Variants in SHOX observed in about 807,000 individuals in gnomAD.
SHOX encodes the protein SHOX homeobox, also known as short stature homeobox protein.
SHOX carries 12 observed loss-of-function variants against 29.6 expected under a neutral mutation model. The observed-to-expected ratio is 0.41, with a 90% CI of 0.26 to 0.66. The LOEUF is 0.66. Among genes scored for constraint, SHOX ranks in the 30% least tolerant of loss-of-function variants. The pLI, the probability that SHOX is intolerant of heterozygous loss-of-function variation, is 0.35. For synonymous variants in SHOX, 214 were observed against 200.6 expected, an observed-to-expected ratio of 1.07 and a Z score of -0.57; for missense variants, 499 against 437.7, an observed-to-expected ratio of 1.14 and a Z score of -1.25.
chrX:642,937 G>A (rs1310896063), intron 4 of SHOX, among the ~76,000 whole-genome samples: 7 of 151,130 alleles, frequency 4.6e-5, no homozygotes, highest in East Asian at 2.0e-4. Context: ...GGTGACCTTG[G>A]AGAGGCTTGG....
intron 2 of SHOX, among the ~76,000 whole-genome samples, chrX:637,722 G>C (rs1339222194): frequency 6.6e-6 from 1 of 152,152 alleles, no homozygotes; most frequent in Non-Finnish European, 1.5e-5. Context: ...ACGGGGACGA[G>C]CAGGGACAGA....
At chrX:631,252 C>T in intron 1 of SHOX, 78 bp downstream of exon 1, 1 of 1,550,948 alleles carries the variant, frequency 6.4e-7, no homozygotes, top group Non-Finnish European at 8.9e-7. Context: ...CGGCCCCGCG[C>T]GCCCCTCGCT....
At chrX:630,526 G>A (rs2239401), upstream of SHOX, 75,222 of 395,508 alleles carry the variant, frequency 0.19, 7,691 homozygotes, top group African/African-American at 0.26. Flanking sequence ...TGTGTGGGGG[G>A]CTCGGGCGCC....
chrX:654,606 A>C (rs1306261928), downstream of SHOX, among the ~76,000 whole-genome samples: 1 of 152,200 alleles, frequency 6.6e-6, no homozygotes, highest in Non-Finnish European at 1.5e-5. Context: ...AACAATTAAA[A>C]AAAGTCAAAT....
intron 1 of SHOX, among the ~76,000 whole-genome samples, chrX:625,715 G>GTC (rs753102414): frequency 0.012 from 1,513 of 122,002 alleles, 144 homozygotes; most frequent in African/African-American, 0.018. Flanking sequence ...TTCTATCTCT[G>GTC]TCTCTCTCTC....
chrX:642,215 G>T (rs2052866720), intron 4 of SHOX, among the ~76,000 whole-genome samples: 1 of 152,060 alleles, frequency 6.6e-6, no homozygotes, highest in Admixed American at 6.6e-5. Context: ...GCCTGAACGC[G>T]CAGCGCAGCG....
At position 656,856 on chromosome X, in the gene SHOX, AAAAAC is replaced by A. The variant is rs1354032821; in HGVS notation, c.634-1928_634-1924del. ...AGACTCCGTCTCAAAAAAAAAAAAA[AAAAAC>A]TGCTGCCCAAGCTGTGTTTGCACCA... On this transcript the variant is annotated intron_variant, in intron 5 of 5. Transcript: ENST00000334060. Among the ~76,000 whole-genome samples the A allele has an allele frequency of 7.2e-5, 9 of 125,362 alleles. 2 individuals are homozygous for A. Among genetic ancestry groups the A allele is most frequent in the African/African-American group, 1.4e-4 (5 of 35,530 alleles). 82.2% of individuals were successfully genotyped at this position (125,362 alleles called of 152,430 possible).
chrX:634,220 G>C (rs1371384704), intron 1 of SHOX, among the ~76,000 whole-genome samples: 2 of 152,166 alleles, frequency 1.3e-5, no homozygotes, highest in Non-Finnish European at 2.9e-5. Flanking sequence ...AACCCGCCCC[G>C]GGTCCTCCCC....
chrX:648,951 C>CTTTG lies in SHOX; in HGVS notation c.*4318_*4319insGTTT. On this transcript the variant is annotated 3_prime_UTR_variant, in exon 5 of 5. Coordinates refer to ENST00000686671, the MANE Select transcript of SHOX (RefSeq NM_000451.4). ...CTTTCTCTCTTTCTTTCTTTTCTTTCTTTCTGTTTCTTTCCTTTTTATCTT... is the reference window on the plus strand; with the variant it reads ...CTTTCTCTCTTTCTTTCTTTTCTTTCTTTGTTTCTGTTTCTTTCCTTTTTATCTT... 6.8e-6 allele frequency among the ~76,000 whole-genome samples: 1 copy of CTTTG among 146,804 alleles called. No homozygotes were observed. The highest frequency in any genetic ancestry group is 6.8e-5 in the Admixed American group (1 of 14,720).
exon 1 of SHOX, chrX:624,407 T>G (rs2052462619): frequency 6.6e-6 from 1 of 151,306 alleles, no homozygotes; most frequent in African/African-American, 2.4e-5. Flanking sequence ...TTTGGTTTTG[T>G]TTTATTTCGT....
intron 4 of SHOX, among the ~76,000 whole-genome samples, chrX:644,060 C>G (rs184166785): frequency 6.6e-6 from 1 of 151,986 alleles, no homozygotes; most frequent in Non-Finnish European, 1.5e-5. Flanking sequence ...GGGGAGAGAA[C>G]GTTGTGAGCC....
chrX:631,282 G>A, intron 1 of SHOX, 108 bp downstream of exon 1: 1 of 1,393,356 alleles, frequency 7.2e-7, no homozygotes, highest in Non-Finnish European at 1.0e-6. Flanking sequence ...TGCAGCTCCC[G>A]TCTCGCCAGG....
In SHOX at chrX:645,774, C is replaced by G. The variant is rs967205821; in HGVS notation, c.*1138C>G. 7.9e-5 allele frequency: 12 copies of G among 152,214 alleles called. No individual in the cohort carries two copies. The highest frequency in any genetic ancestry group is 2.7e-4 in the African/African-American group (11 of 41,446). 9.4% of individuals were successfully genotyped at this position (152,214 alleles called of 1,614,324 possible). A position where few individuals can be genotyped will look rare whatever the true frequency, so the allele number is the denominator to read the frequency against. On this transcript the variant is annotated 3_prime_UTR_variant, in exon 5 of 5. Transcript: ENST00000686671. Reference sequence around the variant, plus strand: ...TATCAGTTTGGTACCTGAGCTGTTTCTGGTTGGGAAGCGTAAAAGCCAGGG... The same window carrying G: ...TATCAGTTTGGTACCTGAGCTGTTTGTGGTTGGGAAGCGTAAAAGCCAGGG...
downstream of SHOX, among the ~76,000 whole-genome samples, chrX:655,600 CTCTCTCTCTCTCTCTA>C (rs1269340737): frequency 5.7e-4 from 31 of 54,202 alleles, no homozygotes; most frequent in Admixed American, 2.0e-3. Flanking sequence ...CTCTCTCTCT[CTCTCTCTCTCTCTCTA>C]TATATATATA....
intron 2 of SHOX, among the ~76,000 whole-genome samples, chrX:635,615 C>T (rs1475894120): frequency 6.6e-6 from 1 of 152,230 alleles, no homozygotes; most frequent in Non-Finnish European, 1.5e-5. Context: ...CGAATTCACG[C>T]TGCCCCATGA....
chrX:646,967 A>T lies in SHOX; in HGVS notation c.*2331A>T, dbSNP rs1209004420. On this transcript the variant is annotated 3_prime_UTR_variant, in exon 5 of 5. Coordinates refer to ENST00000686671, the MANE Select transcript of SHOX (RefSeq NM_000451.4). The stretch of plus-strand genomic sequence containing the variant: ...CCTAGATTTTTTTTTTTTAACCAAA[A>T]AGGCTGAGTAATTTTGAAAAATCGA... The T allele has an allele frequency of 1.3e-5, 2 of 152,128 alleles. No individual in the cohort carries two copies. Among genetic ancestry groups the T allele is most frequent in the African/African-American group, 2.4e-5 (1 of 41,438 alleles). 9.4% of individuals were successfully genotyped at this position (152,128 alleles called of 1,614,324 possible).
At chrX:634,486 C>G (rs1350614155) in intron 1 of SHOX, 132 bp from the exon 2 acceptor site, 10 of 921,706 alleles carry the variant, frequency 1.1e-5, no homozygotes, top group South Asian at 9.8e-5. Flanking sequence ...CCTTATGGAC[C>G]CCACGCAGTT....
upstream of SHOX, among the ~76,000 whole-genome samples, chrX:627,503 G>A (rs1202759469): frequency 1.3e-5 from 2 of 152,294 alleles, no homozygotes; most frequent in East Asian, 3.9e-4. Flanking sequence ...TCTCTTTCGC[G>A]TAGCCAGAAA....
In SHOX at chrX:644,545, T is replaced by TCGC. The variant is rs1442746039; in HGVS notation, c.799_801dup (p.Ala267dup). 6 of 1,517,960 alleles carry TCGC rather than the reference T, an allele frequency of 4.0e-6. No individual in the cohort carries two copies. The highest frequency in any genetic ancestry group is 2.0e-5 in the Admixed American group (1 of 49,736). The allele number at this position is 1,517,960 out of a possible 1,614,324, so 94.0% of individuals were successfully genotyped here. A position where few individuals can be genotyped will look rare whatever the true frequency, so the allele number is the denominator to read the frequency against. On this transcript the variant is annotated inframe_insertion, in exon 5 of 5. Transcript: ENST00000686671. ...GAGTCCGCCTCGGCCGCCGCCGTGG[T>TCGC]CGCCGCCGCCGCCAAAAGCAACAGC...
Sources: gnomAD v4.1 joint callset for allele counts (sites outside exome capture counted in the v4.1 genomes callset) on GRCh38, gnomAD v4.1.1 for gene constraint, MANE v1.5 for transcripts, NCBI Gene and HGNC (gene_info 2026-07-23, HGNC 2026-07-21) for gene names.